Variants in CACNA1S observed in about 807,000 individuals in gnomAD.
CACNA1S encodes the protein voltage-dependent L-type calcium channel subunit alpha-1S.
CACNA1S carries 126 observed loss-of-function variants against 207.4 expected under a neutral mutation model. That is an observed-to-expected ratio of 0.61 (90% CI 0.53 to 0.70). The LOEUF (loss-of-function observed/expected upper bound fraction) is 0.70, where lower values mean the gene tolerates loss of function less well. CACNA1S is among the 30% of genes least tolerant of loss of function. CACNA1S has a pLI of 0.00. For missense variants in CACNA1S, 2,349 were observed against 2,422.8 expected (o/e 0.97, Z 0.64); for synonymous variants, 960 against 932.7 (o/e 1.03, Z -0.53).
Position 201,050,593 on chromosome 1 carries a change from T to C in CACNA1S, c.4114-77A>G. On this transcript the variant is annotated intron_variant, in intron 33 of 43. Coordinates refer to ENST00000362061, the MANE Select transcript of CACNA1S (RefSeq NM_000069.3). ...GTTAGGGTGGGGGAGCTGGGAGGTG[T>C]CCACTGGCCCACAACTTCTCGCTTC... is the stretch of plus-strand genomic sequence containing the variant. 4.5e-6 allele frequency: 7 copies of C among 1,562,470 alleles called. No individual in the cohort carries two copies. In the South Asian group the frequency reaches 7.8e-5, roughly 17 times the overall value.
At chr1:201,088,351 G>A (rs184165147) in intron 6 of CACNA1S, among the ~76,000 whole-genome samples, 8 of 152,318 alleles carry the variant, frequency 5.3e-5, no homozygotes, top group Admixed American at 2.0e-4. Flanking sequence ...ATCTAATGGC[G>A]ATAATGACAT....
rs560946506 is a variant in CACNA1S, at chr1:201,097,693, G to A, written c.259-3672C>T. ...TGGCTTCTCTGCCCCAAGAACAGGTGACATTCCCCCATCAGTAATAGCATT... is the reference window on the plus strand; with the variant it reads ...TGGCTTCTCTGCCCCAAGAACAGGTAACATTCCCCCATCAGTAATAGCATT... On this transcript the variant is annotated intron_variant, in intron 2 of 43. Transcript: ENST00000362061. Among the ~76,000 whole-genome samples, 13 of 152,300 alleles carry A rather than the reference G, an allele frequency of 8.5e-5. No individual in the cohort carries two copies. In the South Asian group the frequency reaches 2.5e-3, roughly 29 times the overall value.
At chr1:201,064,957 G>A (rs1172299468) in intron 22 of CACNA1S, among the ~76,000 whole-genome samples, 3 of 152,256 alleles carry the variant, frequency 2.0e-5, no homozygotes, top group African/African-American at 7.2e-5. Context: ...GAGGCGGAGT[G>A]TGGGGCTGGG....
At chr1:201,087,986 G>A in intron 6 of CACNA1S, 57 bp from the exon 7 acceptor site, 2 of 1,177,670 alleles carry the variant, frequency 1.7e-6, no homozygotes, top group Non-Finnish European at 2.5e-6. Flanking sequence ...TCTTCCCCAA[G>A]TCTGCTCATT....
intron 11 of CACNA1S, among the ~76,000 whole-genome samples, 183 bp from the exon 12 acceptor site, chr1:201,077,310 G>C (rs925878819): frequency 1.3e-5 from 2 of 152,212 alleles, no homozygotes; most frequent in African/African-American, 4.8e-5. Flanking sequence ...CAGAGCACTT[G>C]TCTGTTTGTA....
chr1:201,090,540 G>T (rs1477864780), intron 5 of CACNA1S, among the ~76,000 whole-genome samples: 1 of 152,170 alleles, frequency 6.6e-6, no homozygotes, highest in Non-Finnish European at 1.5e-5. Flanking sequence ...AGACACTGAA[G>T]GCCTAGAACA....
rs185664553 is a variant in CACNA1S at position 201,079,324 on chromosome 1, A to G, written c.1394-1220T>C. ...CTACTTCACCAACACTACTCTCTCC[A>G]GGGGCATCGATCTGCCACATCCAAT... On this transcript the variant is annotated intron_variant, in intron 10 of 43. Coordinates refer to ENST00000362061, the MANE Select transcript of CACNA1S (RefSeq NM_000069.3). 1.8e-3 allele frequency among the ~76,000 whole-genome samples: 279 copies of G among 151,984 alleles called. 1 individual carries two copies. The highest frequency in any genetic ancestry group is 0.014 in the Middle Eastern group (4 of 294).
At chr1:201,093,604 C>T (rs1222823216) in intron 3 of CACNA1S, among the ~76,000 whole-genome samples, 2 of 152,220 alleles carry the variant, frequency 1.3e-5, no homozygotes, top group Non-Finnish European at 2.9e-5. Flanking sequence ...ACATCCATAT[C>T]ATTTCCAAAT....
chr1:201,086,855 C>G (rs1662054483), intron 7 of CACNA1S, among the ~76,000 whole-genome samples: 1 of 152,200 alleles, frequency 6.6e-6, no homozygotes, highest in Non-Finnish European at 1.5e-5. Context: ...GACATGATTT[C>G]TATTAGGACA....
chr1:201,078,498 C>T (rs953711811), intron 10 of CACNA1S, among the ~76,000 whole-genome samples: 18 of 129,336 alleles, frequency 1.4e-4, no homozygotes, highest in African/African-American at 3.8e-4. Flanking sequence ...CTATGCCCAG[C>T]GAATTTTTAA....
intron 10 of CACNA1S, among the ~76,000 whole-genome samples, chr1:201,079,790 C>T (rs75528502): frequency 2.1e-3 from 324 of 152,282 alleles, no homozygotes; most frequent in Non-Finnish European, 3.3e-3. Context: ...CCCATTGCTG[C>T]GGATAAGTCT....
rs1660740033 is a variant in CACNA1S, at chr1:201,053,779, G to T, written c.3667-192C>A. Among the ~76,000 whole-genome samples, 1 of 152,198 alleles carries T rather than the reference G, an allele frequency of 6.6e-6. No homozygotes were observed. Among genetic ancestry groups the T allele is most frequent in the Admixed American group, 6.5e-5 (1 of 15,286 alleles). On this transcript the variant is annotated intron_variant, in intron 29 of 43. Transcript: ENST00000362061. The surrounding 1 kb of genome is among the most constrained non-coding windows in gnomAD (Gnocchi z 5.1). ...GGGCACAGGGCTCTGGGGCTGTTCA[G>T]CTGGGAGGCAGGGAAGAGGACGTGG...
intron 2 of CACNA1S, among the ~76,000 whole-genome samples, chr1:201,094,612 G>A (rs1439203960): frequency 1.3e-5 from 2 of 152,112 alleles, no homozygotes; most frequent in African/African-American, 4.8e-5. Flanking sequence ...CAGAACTCCA[G>A]ATGCCTTCCC....
intron 5 of CACNA1S, among the ~76,000 whole-genome samples, chr1:201,091,366 G>A (rs144989359): frequency 6.6e-6 from 1 of 151,842 alleles, no homozygotes; most frequent in East Asian, 1.9e-4. Flanking sequence ...CAGGTCCAGA[G>A]AGCCTGGAAC....
At chr1:201,074,393 G>A (rs1052388096) in intron 14 of CACNA1S, 113 bp downstream of exon 14, 25 of 732,822 alleles carry the variant, frequency 3.4e-5, no homozygotes, top group South Asian at 2.1e-4. Flanking sequence ...TGAGGTGGGT[G>A]TCACCATGTC....
chr1:201,091,706 A>G lies in CACNA1S; in HGVS notation c.628T>C (p.Tyr210His). The change falls in exon 5 of 44, where the codon TAT becomes CAT. Residue 210 changes from tyrosine (Y) to histidine (H), a missense_variant. Physicochemically the swap from Tyr to His is moderately conservative, Grantham distance 83. Coordinates refer to ENST00000362061, the MANE Select transcript of CACNA1S (RefSeq NM_000069.3). ...ALLVLFMVIIYAIIGLELFKG... is the reference protein window; with the variant it reads ...ALLVLFMVIIHAIIGLELFKG... ...AAGAGCTCCAGCCCGATGATGGCAT[A>G]GATGATGACCATAAAGAGGACCAGC... The G allele has an allele frequency of 6.2e-7, 1 of 1,614,136 alleles. No individual in the cohort carries two copies. Among genetic ancestry groups the G allele is most frequent in the Non-Finnish European group, 8.5e-7 (1 of 1,179,958 alleles).
chr1:201,061,226 C>G, intron 25 of CACNA1S, 41 bp downstream of exon 25: 1 of 1,575,140 alleles, frequency 6.3e-7, no homozygotes, highest in Non-Finnish European at 8.7e-7. Flanking sequence ...AGGAGGCCTG[C>G]TGGAGCTCTG....
At chr1:201,085,804 T>G (rs1043738691) in intron 7 of CACNA1S, among the ~76,000 whole-genome samples, 1 of 152,088 alleles carries the variant, frequency 6.6e-6, no homozygotes, top group Non-Finnish European at 1.5e-5. Context: ...CCTGGAGTAC[T>G]CCTTGCCCCT....
intron 22 of CACNA1S, among the ~76,000 whole-genome samples, chr1:201,063,013 G>C (rs1054810392): frequency 3.9e-5 from 6 of 152,192 alleles, no homozygotes; most frequent in Middle Eastern, 3.2e-3. Flanking sequence ...TTGGAGCCCA[G>C]CTGGGCTCTG....
Sources: allele counts gnomAD v4.1 joint callset (sites outside exome capture counted in the v4.1 genomes callset), GRCh38; gene constraint gnomAD v4.1.1; non-coding constraint Gnocchi (gnomAD v3.1); transcripts MANE v1.5; gene names NCBI Gene and HGNC (gene_info 2026-07-23, HGNC 2026-07-21).